ASIC2: variants seen among roughly 807,000 people sequenced by gnomAD.
ASIC2 encodes acid sensing ion channel subunit 2.
A neutral mutation model predicts 57.3 loss-of-function variants in ASIC2; 25 were observed. The observed-to-expected ratio is 0.44, with a 90% CI of 0.32 to 0.61. The LOEUF is 0.61. ASIC2 is among the 20% of genes least tolerant of loss of function. ASIC2 has a pLI of 0.06. For synonymous variants in ASIC2, 319 were observed against 307.5 expected (o/e 1.04, Z -0.39); for missense variants, 641 against 738.1 (o/e 0.87, Z 1.52).
intron 3 of ASIC2, among the ~76,000 whole-genome samples, chr17:33,070,845 G>C (rs1396477031): frequency 6.7e-6 from 1 of 150,344 alleles, no homozygotes. Context: ...GACTTATTTT[G>C]CTTAATTTTT....
intron 1 of ASIC2, among the ~76,000 whole-genome samples, chr17:33,491,732 G>A (rs1411320602): frequency 6.6e-6 from 1 of 152,194 alleles, no homozygotes; most frequent in Admixed American, 6.5e-5. Flanking sequence ...TCTCTCAGAA[G>A]CCTGGCCTGA....
chr17:33,492,992 A>T (rs1205837130), intron 1 of ASIC2, among the ~76,000 whole-genome samples: 1 of 152,194 alleles, frequency 6.6e-6, no homozygotes, highest in Non-Finnish European at 1.5e-5. Context: ...GGTTCTTTTT[A>T]TGTCAGGGCT....
intron 1 of ASIC2, among the ~76,000 whole-genome samples, chr17:33,677,974 C>A (rs552477694): frequency 6.6e-5 from 10 of 152,276 alleles, no homozygotes; most frequent in African/African-American, 2.2e-4. Context: ...AACAGAATTG[C>A]ATGCTACCTG....
chr17:34,135,101 G>A (rs1912091982), intron 1 of ASIC2, among the ~76,000 whole-genome samples: 1 of 152,218 alleles, frequency 6.6e-6, no homozygotes, highest in East Asian at 1.9e-4. Context: ...TAGAAGTGGA[G>A]GCTCTTTCTG....
chr17:33,276,607 G>T (rs1297099471), intron 1 of ASIC2, among the ~76,000 whole-genome samples: 3 of 152,156 alleles, frequency 2.0e-5, no homozygotes, highest in African/African-American at 7.2e-5. Flanking sequence ...GCTCATCCTC[G>T]CAGGAACTAA....
intron 1 of ASIC2, among the ~76,000 whole-genome samples, chr17:33,148,925 C>T (rs1208461891): frequency 2.0e-5 from 3 of 152,098 alleles, no homozygotes; most frequent in Non-Finnish European, 4.4e-5. Flanking sequence ...GAAACCCCAT[C>T]TCTACTAAAA....
intron 1 of ASIC2, among the ~76,000 whole-genome samples, chr17:33,761,915 C>G (rs747179492): frequency 5.3e-5 from 8 of 150,830 alleles, no homozygotes; most frequent in Non-Finnish European, 1.0e-4. Context: ...TCAACCACTA[C>G]TTGACCTTCC....
chr17:33,312,858 C>A (rs960962683), intron 1 of ASIC2, among the ~76,000 whole-genome samples: 1 of 152,072 alleles, frequency 6.6e-6, no homozygotes, highest in African/African-American at 2.4e-5. Context: ...ATCACTTGAA[C>A]CCAGGAGGCG....
At chr17:33,437,205 GGCAAGATCATAGCTCACT>G (rs1222955617) in intron 1 of ASIC2, among the ~76,000 whole-genome samples, 4 of 151,902 alleles carry the variant, frequency 2.6e-5, no homozygotes, top group African/African-American at 9.7e-5. Context: ...AGAATGCAGT[GGCAAGATCATAGCTCACT>G]GCAACCTTGA....
At chr17:34,132,597 C>CGTTTTACAGAGCACTGATTGGTGT (rs1555600845) in intron 1 of ASIC2, among the ~76,000 whole-genome samples, 2,571 of 72,492 alleles carry the variant, frequency 0.035, 52 homozygotes, top group East Asian at 0.078. Context: ...CTGATTGGTG[C>CGTTTTACAGAGCACTGATTGGTGT]GTTTTACAGA....
intron 6 of ASIC2, 127 bp downstream of exon 6, chr17:33,023,734 G>T: frequency 7.9e-7 from 1 of 1,259,624 alleles, no homozygotes; most frequent in Non-Finnish European, 1.1e-6. Flanking sequence ...GTGACACACA[G>T]AGGGTGTTCA....
At chr17:33,575,141 T>C (rs1916577332) in intron 1 of ASIC2, among the ~76,000 whole-genome samples, 1 of 152,172 alleles carries the variant, frequency 6.6e-6, no homozygotes, top group Non-Finnish European at 1.5e-5. Flanking sequence ...AGATCTCAAA[T>C]GTTCCAGCCC....
intron 1 of ASIC2, among the ~76,000 whole-genome samples, chr17:34,099,907 A>T (rs1317946073): frequency 6.6e-6 from 1 of 152,228 alleles, no homozygotes. Context: ...CAGGTCATAC[A>T]GGGGCCAAAT....
chr17:33,461,796 C>T (rs1322199579), intron 1 of ASIC2, among the ~76,000 whole-genome samples: 1 of 152,138 alleles, frequency 6.6e-6, no homozygotes, highest in African/African-American at 2.4e-5. Flanking sequence ...TGAATAAGCA[C>T]ACACACATGA....
intron 1 of ASIC2, among the ~76,000 whole-genome samples, chr17:33,873,266 G>C (rs984109025): frequency 2.6e-5 from 4 of 152,188 alleles, no homozygotes; most frequent in South Asian, 2.1e-4. Context: ...AGAACAGTAT[G>C]ATGAGGAGAC....
At chr17:33,330,489 A>C (rs1907268667) in intron 1 of ASIC2, among the ~76,000 whole-genome samples, 1 of 152,140 alleles carries the variant, frequency 6.6e-6, no homozygotes, top group Non-Finnish European at 1.5e-5. Context: ...AGTCCTCATG[A>C]CACCTTCGGG....
intron 1 of ASIC2, among the ~76,000 whole-genome samples, chr17:33,515,434 G>A (rs763082121): frequency 4.6e-5 from 7 of 152,144 alleles, no homozygotes; most frequent in South Asian, 2.1e-4. Flanking sequence ...ATGGCCTATG[G>A]GTATTTCAGG....
chr17:33,014,909 T>C (rs1055801754), intron 9 of ASIC2, among the ~76,000 whole-genome samples: 10 of 152,168 alleles, frequency 6.6e-5, no homozygotes, highest in African/African-American at 2.2e-4. Flanking sequence ...GACAGCCCCC[T>C]GCAGTCTGAT....
At chr17:33,961,068 C>T (rs550293184) in intron 1 of ASIC2, among the ~76,000 whole-genome samples, 1 of 152,062 alleles carries the variant, frequency 6.6e-6, no homozygotes, top group African/African-American at 2.4e-5. Context: ...ATGATCAACG[C>T]CCAGGCCAAG....
Sources: allele counts gnomAD v4.1 joint callset (sites outside exome capture counted in the v4.1 genomes callset), GRCh38; gene constraint gnomAD v4.1.1; transcripts MANE v1.5; gene names NCBI Gene and HGNC (gene_info 2026-07-23, HGNC 2026-07-21).